CACNA2D1: variants seen among roughly 807,000 people sequenced by gnomAD.
CACNA2D1 encodes the protein voltage-dependent calcium channel subunit alpha-2/delta-1.
Under a neutral mutation model 171.5 loss-of-function variants are expected in CACNA2D1, and 53 were observed. That is an observed-to-expected ratio of 0.31 (90% CI 0.25 to 0.39). The LOEUF (loss-of-function observed/expected upper bound fraction) is 0.39. Among genes scored for constraint, CACNA2D1 ranks in the 10% least tolerant of loss-of-function variants. The pLI is 1.00. For synonymous variants in CACNA2D1, 442 were observed against 443.1 expected (o/e 1.00, Z 0.03); for missense variants, 903 against 1,299.8 (o/e 0.69, Z 4.69).
intron 3 of CACNA2D1, among the ~76,000 whole-genome samples, chr7:82,241,108 T>G (rs566360216): frequency 4.6e-5 from 7 of 152,216 alleles, no homozygotes; most frequent in Admixed American, 2.0e-4. Flanking sequence ...TGAAGTGGCA[T>G]CGAATTCTCA....
chr7:82,355,988 C>T (rs1033852129), intron 1 of CACNA2D1, among the ~76,000 whole-genome samples: 1 of 152,018 alleles, frequency 6.6e-6, no homozygotes, highest in African/African-American at 2.4e-5. Flanking sequence ...TGTCCCTTCT[C>T]GTTGTTGGAA....
chr7:82,066,398 G>A, intron 8 of CACNA2D1, 57 bp downstream of exon 8: 1 of 1,594,102 alleles, frequency 6.3e-7, no homozygotes, highest in Non-Finnish European at 8.5e-7. Flanking sequence ...TGACTTTTTA[G>A]CAAATATATA....
chr7:82,146,453 G>T lies in CACNA2D1; in HGVS notation c.355-9777C>A, dbSNP rs1246787432. ...ACATATTTATATTTATATATATAAAGATATATATAAATATATATCTTTATA... is the reference window on the plus strand; with the variant it reads ...ACATATTTATATTTATATATATAAATATATATATAAATATATATCTTTATA... On this transcript the variant is annotated intron_variant, in intron 4 of 38. Transcript: ENST00000356860. Among the ~76,000 whole-genome samples, 26 of 130,692 alleles carry T rather than the reference G, an allele frequency of 2.0e-4. 3 individuals are homozygous for T. The highest frequency in any genetic ancestry group is 8.5e-4 in the East Asian group (4 of 4,732). 85.7% of individuals were successfully genotyped at this position (130,692 alleles called of 152,430 possible). A position where few individuals can be genotyped will look rare whatever the true frequency, so the allele number is the denominator to read the frequency against.
At chr7:82,110,298 G>C (rs1788220509) in intron 6 of CACNA2D1, among the ~76,000 whole-genome samples, 1 of 152,100 alleles carries the variant, frequency 6.6e-6, no homozygotes, top group South Asian at 2.1e-4. Context: ...ATTTCCATGA[G>C]GTCATGAGTG....
At chr7:82,097,229 G>A (rs530709165) in intron 6 of CACNA2D1, among the ~76,000 whole-genome samples, 3 of 152,140 alleles carry the variant, frequency 2.0e-5, no homozygotes, top group Non-Finnish European at 4.4e-5. Flanking sequence ...TTGCAGGGAT[G>A]TTATTAGAGA....
chr7:82,101,859 A>G (rs1385495391), intron 6 of CACNA2D1, among the ~76,000 whole-genome samples: 1 of 152,194 alleles, frequency 6.6e-6, no homozygotes, highest in African/African-American at 2.4e-5. Flanking sequence ...TATTTTTGTC[A>G]TAAATTAAGT....
chr7:82,264,760 G>A (rs913186567), intron 3 of CACNA2D1, among the ~76,000 whole-genome samples: 2 of 152,030 alleles, frequency 1.3e-5, no homozygotes, highest in South Asian at 2.1e-4. Flanking sequence ...CCTCATTTGC[G>A]ATTTTTAAAA....
At chr7:82,099,437 T>C (rs1563046148) in intron 6 of CACNA2D1, among the ~76,000 whole-genome samples, 22 of 12,438 alleles carry the variant, frequency 1.8e-3, no homozygotes, top group East Asian at 3.7e-3. Context: ...TTTTTTTTTT[T>C]TTTTTTTTTT....
chr7:82,349,343 C>A (rs1054096932), intron 2 of CACNA2D1, among the ~76,000 whole-genome samples: 8 of 152,102 alleles, frequency 5.3e-5, no homozygotes, highest in Non-Finnish European at 1.0e-4. Context: ...GTGAGACCTA[C>A]GTATCAACTG....
At chr7:81,963,997 G>C in intron 34 of CACNA2D1, 59 bp downstream of exon 34, 1 of 1,383,524 alleles carries the variant, frequency 7.2e-7, no homozygotes, top group Non-Finnish European at 1.0e-6. Context: ...TTCATCAGAT[G>C]CTTTTTTATT....
chr7:82,261,428 T>C (rs1209796238), intron 3 of CACNA2D1, among the ~76,000 whole-genome samples: 1 of 152,218 alleles, frequency 6.6e-6, no homozygotes, highest in African/African-American at 2.4e-5. Flanking sequence ...ATCTAACATG[T>C]AGCCCTTTGC....
intron 4 of CACNA2D1, among the ~76,000 whole-genome samples, chr7:82,167,697 G>A (rs555620066): frequency 3.9e-5 from 6 of 152,172 alleles, no homozygotes; most frequent in South Asian, 4.1e-4. Flanking sequence ...CATCATTCAC[G>A]GTCCTTCAGG....
intron 19 of CACNA2D1, among the ~76,000 whole-genome samples, chr7:81,995,572 A>G (rs375422127): frequency 6.6e-6 from 1 of 151,978 alleles, no homozygotes; most frequent in East Asian, 1.9e-4. Context: ...GCCGAGGCGG[A>G]CAAATTGCCT....
At chr7:82,347,665 T>G (rs1220157676) in intron 2 of CACNA2D1, among the ~76,000 whole-genome samples, 6 of 152,122 alleles carry the variant, frequency 3.9e-5, no homozygotes, top group Non-Finnish European at 8.8e-5. Flanking sequence ...CCCTAGTACT[T>G]AAATTCTATT....
At chr7:82,060,671 A>C in intron 9 of CACNA2D1, 144 bp from the exon 10 acceptor site, 1 of 510,104 alleles carries the variant, frequency 2.0e-6, no homozygotes, top group Non-Finnish European at 3.4e-6. Context: ...TCAGTTTAAA[A>C]AGTTACATTT....
chr7:81,964,469 A>G, intron 32 of CACNA2D1, 110 bp from the exon 33 acceptor site: 1 of 816,470 alleles, frequency 1.2e-6, no homozygotes, highest in East Asian at 2.6e-5. Flanking sequence ...ACTGAACTAC[A>G]ACTGAGGAGC....
At chr7:82,260,979 G>A (rs1482468938) in intron 3 of CACNA2D1, among the ~76,000 whole-genome samples, 1 of 148,906 alleles carries the variant, frequency 6.7e-6, no homozygotes, top group African/African-American at 2.5e-5. Context: ...TCTTGAGACT[G>A]AGTCTCACTC....
intron 29 of CACNA2D1, among the ~76,000 whole-genome samples, chr7:81,968,416 T>A (rs1219034369): frequency 6.6e-6 from 1 of 151,494 alleles, no homozygotes; most frequent in African/African-American, 2.4e-5. Context: ...AGTTTTTAAC[T>A]GAGCCCTACC....
intron 3 of CACNA2D1, among the ~76,000 whole-genome samples, chr7:82,295,372 T>C: frequency 6.6e-6 from 1 of 151,836 alleles, no homozygotes; most frequent in African/African-American, 2.4e-5. Flanking sequence ...GGTCTCACTC[T>C]GTCGCCCAAG....
Sources: gnomAD v4.1 joint callset for allele counts (sites outside exome capture counted in the v4.1 genomes callset) on GRCh38, gnomAD v4.1.1 for gene constraint, MANE v1.5 for transcripts, NCBI Gene and HGNC (gene_info 2026-07-23, HGNC 2026-07-21) for gene names.